NFYC: variants seen among roughly 807,000 people sequenced by gnomAD.
NFYC encodes the protein nuclear transcription factor Y subunit gamma, also known as CAAT box DNA-binding protein subunit C.
In NFYC, 25 loss-of-function variants were observed where a neutral mutation model predicts 53.1. That is an observed-to-expected ratio of 0.47 (90% confidence interval 0.34 to 0.66). The LOEUF (loss-of-function observed/expected upper bound fraction) is 0.66. Ranked by LOEUF, NFYC falls within the 30% of genes least tolerant of loss-of-function variation. The pLI, the probability that NFYC is intolerant of heterozygous loss-of-function variation, is 0.01. For missense variants in NFYC, 260 were observed against 422.7 expected, an observed-to-expected ratio of 0.62 and a Z score of 3.38; for synonymous variants, 145 against 152.6, an observed-to-expected ratio of 0.95 and a Z score of 0.37.
chr1:40,730,097 C>T (rs1287360813), intron 1 of NFYC, among the ~76,000 whole-genome samples: 2 of 152,076 alleles, frequency 1.3e-5, no homozygotes, highest in South Asian at 2.1e-4. Context: ...ATGATCATAG[C>T]TCACTGCTGC....
chr1:40,715,287 G>A lies in NFYC; in HGVS notation c.-9+23420G>A, dbSNP rs1490813686. Among the ~76,000 whole-genome samples, 4 of 151,688 alleles carry A rather than the reference G, an allele frequency of 2.6e-5. No individual in the cohort carries two copies. The East Asian group carries it at 7.7e-4, about 29-fold the overall frequency. ...CAGGCGTAGTCCCAGCTATACAGGA[G>A]GCTGAGGCACAAGAATTGCTTGAAC... is the stretch of plus-strand genomic sequence containing the variant. On this transcript the variant is annotated intron_variant, in intron 1 of 9. Coordinates refer to ENST00000447388, the MANE Select transcript of NFYC (RefSeq NM_014223.5).
At chr1:40,719,662 G>C (rs1288311174) in intron 1 of NFYC, among the ~76,000 whole-genome samples, 1 of 152,162 alleles carries the variant, frequency 6.6e-6, no homozygotes, top group South Asian at 2.1e-4. Context: ...TTTTTCAGGA[G>C]AGTGATCAGG....
intron 1 of NFYC, among the ~76,000 whole-genome samples, chr1:40,693,784 A>G (rs931621317): frequency 6.6e-6 from 1 of 152,206 alleles, no homozygotes; most frequent in African/African-American, 2.4e-5. Context: ...AAACTTCCAG[A>G]TAATTTTGTA....
At chr1:40,720,878 A>T (rs538924758) in intron 1 of NFYC, among the ~76,000 whole-genome samples, 25 of 151,810 alleles carry the variant, frequency 1.6e-4, no homozygotes, top group Middle Eastern at 3.4e-3. Flanking sequence ...TTTAAAAAAA[A>T]TTTTTTTTTA....
At chr1:40,737,306 T>A (rs1219140104) in intron 1 of NFYC, among the ~76,000 whole-genome samples, 1 of 150,260 alleles carries the variant, frequency 6.7e-6, no homozygotes, top group Non-Finnish European at 1.5e-5. Flanking sequence ...GTTCTAGCCC[T>A]CTTTCTCTAT....
At chr1:40,725,824 A>G (rs147119345) in intron 1 of NFYC, among the ~76,000 whole-genome samples, 2 of 152,352 alleles carry the variant, frequency 1.3e-5, no homozygotes, top group African/African-American at 4.8e-5. Context: ...CTAACATTAT[A>G]ATAAAGAGAG....
At position 40,753,535 on chromosome 1, in the gene NFYC, C is replaced by T. The variant is rs144733492; in HGVS notation, c.387+289C>T. On this transcript the variant is annotated intron_variant, in intron 5 of 9. Coordinates refer to ENST00000447388, the MANE Select transcript of NFYC (RefSeq NM_014223.5). The stretch of plus-strand genomic sequence containing the variant: ...AGTTATCTTAGGAAGTCTATCAGAG[C>T]TCTTCATCTGGGATAGGAGAATATT... Among the ~76,000 whole-genome samples the T allele has an allele frequency of 4.9e-4, 74 of 152,318 alleles. 1 individual carries two copies. The East Asian group carries it at 0.01, about 21-fold the overall frequency.
At chr1:40,692,493 G>A (rs1642879911) in intron 1 of NFYC, 1 of 152,596 alleles carries the variant, frequency 6.6e-6, no homozygotes, top group Admixed American at 6.5e-5. Context: ...CCAAGTGACA[G>A]GCTGAGAGTC....
chr1:40,748,847 A>G (rs930135474), intron 3 of NFYC, among the ~76,000 whole-genome samples: 10 of 152,228 alleles, frequency 6.6e-5, no homozygotes, highest in Non-Finnish European at 1.2e-4. Flanking sequence ...TCCATTTTAC[A>G]GACAATGGAA....
intron 6 of NFYC, among the ~76,000 whole-genome samples, chr1:40,760,892 C>A (rs1646509266): frequency 1.3e-5 from 2 of 152,196 alleles, no homozygotes; most frequent in Admixed American, 6.5e-5. Flanking sequence ...ATCATGATGC[C>A]TAAGGGACCT....
rs1451339756 is a variant in NFYC at position 40,767,390 on chromosome 1, G to A, written c.828+687G>A. 1.3e-5 allele frequency: 3 copies of A among 226,494 alleles called. No homozygotes were observed. In the East Asian group the frequency reaches 3.3e-4, roughly 25 times the overall value. The allele number at this position is 226,494 out of a possible 1,614,324, so 14.0% of individuals were successfully genotyped here. On this transcript the variant is annotated intron_variant, in intron 8 of 9. Transcript: ENST00000447388. ...TTCTGGTGATGTATCTATTGACAGT[G>A]GTGACAGAGCTGAGTTTGTAGAGCA...
chr1:40,745,571 A>AT (rs1304134693), intron 2 of NFYC, among the ~76,000 whole-genome samples: 1 of 152,030 alleles, frequency 6.6e-6, no homozygotes, highest in Non-Finnish European at 1.5e-5. Context: ...ATAGGCTGTG[A>AT]TTTTTTGTCT....
chr1:40,711,135 T>C (rs116369569), intron 1 of NFYC, among the ~76,000 whole-genome samples: 2,880 of 152,304 alleles, frequency 0.019, 104 homozygotes, highest in African/African-American at 0.065. Context: ...ATTCCTTGCA[T>C]GCTACCTTGT....
chr1:40,770,369 T>C lies in NFYC; in HGVS notation c.889-340T>C. The C allele has an allele frequency of 2.0e-6, 3 of 1,528,616 alleles. No individual in the cohort carries two copies. The highest frequency in any genetic ancestry group is 2.6e-6 in the Non-Finnish European group (3 of 1,132,230). 94.7% of individuals were successfully genotyped at this position (1,528,616 alleles called of 1,614,324 possible). A position where few individuals can be genotyped will look rare whatever the true frequency, so the allele number is the denominator to read the frequency against. ...GCTGACTTCCAAGCTGCTGGTACAG[T>C]GGTTCGAATTGCTTGTGTTTGCCAC... On this transcript the variant is annotated intron_variant, in intron 9 of 9. Transcript: ENST00000447388. The surrounding 1 kb of genome is among the most constrained non-coding windows in gnomAD (Gnocchi z 5.3).
At position 40,767,001 on chromosome 1, in the gene NFYC, A is replaced by G. The variant is rs1050556017; in HGVS notation, c.828+298A>G. On this transcript the variant is annotated intron_variant, in intron 8 of 9. Coordinates refer to ENST00000447388, the MANE Select transcript of NFYC (RefSeq NM_014223.5). ...TGTGCACACCCATCAGACCTGGGAA[A>G]TGTTCGACAGATCGCCTGATCGTCA... is the stretch of plus-strand genomic sequence containing the variant. 20 of 1,549,508 alleles carry G rather than the reference A, an allele frequency of 1.3e-5. No homozygotes were observed. In the South Asian group the frequency reaches 2.1e-4, roughly 17 times the overall value.
At chr1:40,767,516 C>G (rs1182502795) in intron 8 of NFYC, among the ~76,000 whole-genome samples, 2 of 152,138 alleles carry the variant, frequency 1.3e-5, no homozygotes, top group African/African-American at 2.4e-5. Context: ...TGTTTCTGTG[C>G]CCACTCCCCG....
At chr1:40,727,895 C>G (rs1057031638) in intron 1 of NFYC, among the ~76,000 whole-genome samples, 3 of 151,928 alleles carry the variant, frequency 2.0e-5, no homozygotes, top group African/African-American at 7.3e-5. Context: ...TCAGTTTACT[C>G]AGATCTGTCT....
At chr1:40,711,804 G>T (rs2148455007) in intron 1 of NFYC, among the ~76,000 whole-genome samples, 1 of 152,288 alleles carries the variant, frequency 6.6e-6, no homozygotes, top group Non-Finnish European at 1.5e-5. Context: ...TGTAAGTGGG[G>T]GAGGCTTAGA....
At chr1:40,699,378 T>C (rs533815093) in intron 1 of NFYC, among the ~76,000 whole-genome samples, 1 of 152,170 alleles carries the variant, frequency 6.6e-6, no homozygotes, top group Non-Finnish European at 1.5e-5. Flanking sequence ...TAAGAAGATA[T>C]ATCCCTTTGA....
Sources: allele counts gnomAD v4.1 joint callset (sites outside exome capture counted in the v4.1 genomes callset), GRCh38; gene constraint gnomAD v4.1.1; non-coding constraint Gnocchi (gnomAD v3.1); transcripts MANE v1.5; gene names NCBI Gene and HGNC (gene_info 2026-07-23, HGNC 2026-07-21).